The following MEGF10 variants were observed in gnomAD, a reference collection of about 807,000 sequenced individuals.
MEGF10 encodes multiple EGF like domains 10, also known as multiple epidermal growth factor-like domains protein 10.
In MEGF10, 86 loss-of-function variants were observed where a neutral mutation model predicts 147.5. The ratio of observed to expected loss-of-function variants is 0.58; its 90% CI spans 0.49 to 0.70. The LOEUF is 0.70. Ranked by LOEUF, MEGF10 falls within the 30% of genes least tolerant of loss-of-function variation. MEGF10 has a pLI of 0.00. For synonymous variants in MEGF10, 478 were observed against 525.5 expected, an observed-to-expected ratio of 0.91 and a Z score of 1.24; for missense variants, 1,329 against 1,487.3, an observed-to-expected ratio of 0.89 and a Z score of 1.75.
intron 1 of MEGF10, among the ~76,000 whole-genome samples, chr5:127,328,201 T>C (rs1208855689): frequency 6.6e-6 from 1 of 152,216 alleles, no homozygotes; most frequent in East Asian, 1.9e-4. Context: ...TGTTATTTTC[T>C]CAAACAGTTT....
the MEGF10 span, among the ~76,000 whole-genome samples, chr5:127,247,482 G>GAAGA: frequency 2.7e-5 from 4 of 148,924 alleles, no homozygotes; most frequent in East Asian, 2.0e-4. Flanking sequence ...AGAAGAAGAA[G>GAAGA]AAGAAAAATT....
At chr5:127,326,809 A>G (rs1489762663) in intron 1 of MEGF10, among the ~76,000 whole-genome samples, 1 of 152,208 alleles carries the variant, frequency 6.6e-6, no homozygotes, top group Non-Finnish European at 1.5e-5. Flanking sequence ...TGAGTAGCAG[A>G]AAATGAGCTT....
chr5:127,315,819 A>G (rs1201803996), intron 1 of MEGF10, among the ~76,000 whole-genome samples: 2 of 152,118 alleles, frequency 1.3e-5, no homozygotes, highest in Non-Finnish European at 2.9e-5. Flanking sequence ...TTCTGTCTAT[A>G]TTTCAAGCAT....
In MEGF10 at chr5:127,438,552, C is replaced by A; in HGVS notation, c.2218C>A (p.Leu740Ile). 1 of 1,613,998 alleles carries A rather than the reference C, an allele frequency of 6.2e-7. No homozygotes were observed. Among genetic ancestry groups the A allele is most frequent in the Non-Finnish European group, 8.5e-7 (1 of 1,179,908 alleles). ...ECKCTPGWTG[L>I]YCTQRCPLGF... ...TAAATGCACTCCTGGCTGGACAGGG[C>A]TCTACTGCACTCAGAGTAAGTGACA... The change falls in exon 17 of 25, where the codon CTC becomes ATC. Residue 740 changes from leucine to isoleucine, a missense_variant. Coordinates refer to ENST00000503335, the MANE Select transcript of MEGF10 (RefSeq NM_001256545.2).
At chr5:127,389,455 A>G (rs1325956927) in intron 5 of MEGF10, among the ~76,000 whole-genome samples, 4 of 152,230 alleles carry the variant, frequency 2.6e-5, no homozygotes, top group African/African-American at 9.6e-5. Flanking sequence ...GTTCCAACAT[A>G]AAGATACATG....
At chr5:127,288,228 C>A (rs1759092082), upstream of MEGF10, among the ~76,000 whole-genome samples, 1 of 152,022 alleles carries the variant, frequency 6.6e-6, no homozygotes, top group Admixed American at 6.5e-5. Flanking sequence ...AACACACACA[C>A]ACAAAAACAC....
At chr5:127,438,665 C>T in intron 17 of MEGF10, 98 bp downstream of exon 17, 1 of 1,384,310 alleles carries the variant, frequency 7.2e-7, no homozygotes, top group Non-Finnish European at 9.9e-7. Context: ...AACAAAGGTC[C>T]CTGAGGTTGG....
intron 4 of MEGF10, among the ~76,000 whole-genome samples, chr5:127,352,941 C>A (rs1762138051): frequency 6.6e-6 from 1 of 152,190 alleles, no homozygotes. Context: ...GGCCCAGGCC[C>A]TTCCTAGCTC....
chr5:127,239,376 G>GACAC, the MEGF10 span, among the ~76,000 whole-genome samples: 4,504 of 123,436 alleles, frequency 0.036, 88 homozygotes, highest in African/African-American at 0.04. Context: ...GATGATGGAA[G>GACAC]ACACACACAC....
chr5:127,237,735 T>C, the MEGF10 span, among the ~76,000 whole-genome samples: 4 of 152,058 alleles, frequency 2.6e-5, no homozygotes, highest in Admixed American at 2.0e-4. Context: ...TTTTAAGTCC[T>C]GGGCAGGGTG....
intron 4 of MEGF10, among the ~76,000 whole-genome samples, chr5:127,361,588 GT>G (rs971754008): frequency 2.0e-5 from 3 of 151,488 alleles, no homozygotes; most frequent in African/African-American, 7.3e-5. Context: ...TTTGATCTTT[GT>G]TTTCTAGTTT....
chr5:127,362,333 T>TG (rs1295089323), intron 4 of MEGF10, among the ~76,000 whole-genome samples: 1 of 148,490 alleles, frequency 6.7e-6, no homozygotes, highest in Non-Finnish European at 1.5e-5. Flanking sequence ...TTAGTATGGT[T>TG]TTTTTTTTTT....
intron 12 of MEGF10, among the ~76,000 whole-genome samples, chr5:127,421,654 T>C (rs1047677473): frequency 3.9e-5 from 6 of 152,130 alleles, no homozygotes; most frequent in Non-Finnish European, 8.8e-5. Context: ...GTGTGTCAAC[T>C]CATACTTAGG....
the MEGF10 span, among the ~76,000 whole-genome samples, chr5:127,275,459 G>A: frequency 6.6e-6 from 1 of 152,174 alleles, no homozygotes; most frequent in Non-Finnish European, 1.5e-5. Context: ...CCCCAAGATG[G>A]GTGGAATGGC....
intron 4 of MEGF10, among the ~76,000 whole-genome samples, chr5:127,351,238 G>A (rs568055728): frequency 1.5e-4 from 23 of 152,158 alleles, no homozygotes; most frequent in African/African-American, 5.5e-4. Context: ...CTGGAAAACA[G>A]ATGAGCAAAA....
At chr5:127,404,767 G>A (rs1295426897) in intron 8 of MEGF10, among the ~76,000 whole-genome samples, 1 of 152,012 alleles carries the variant, frequency 6.6e-6, no homozygotes, top group African/African-American at 2.4e-5. Flanking sequence ...CCAGGCTGGA[G>A]TGCAGTGGCA....
At chr5:127,350,440 CCTT>C (rs1762045537) in intron 4 of MEGF10, among the ~76,000 whole-genome samples, 1 of 152,070 alleles carries the variant, frequency 6.6e-6, no homozygotes, top group Non-Finnish European at 1.5e-5. Flanking sequence ...TTCACTTTCT[CCTT>C]CTTTTCTCCC....
chr5:127,400,979 C>CGAAG (rs1302831514), intron 7 of MEGF10, among the ~76,000 whole-genome samples: 7 of 152,210 alleles, frequency 4.6e-5, no homozygotes, highest in Admixed American at 2.0e-4. Flanking sequence ...TATAGACACA[C>CGAAG]ATACCTTCAT....
At position 127,406,176 on chromosome 5, in the gene MEGF10, A is replaced by T. The variant is rs1322244441; in HGVS notation, c.917+3494A>T. On this transcript the variant is annotated intron_variant, in intron 8 of 24. Coordinates refer to ENST00000503335, the MANE Select transcript of MEGF10 (RefSeq NM_001256545.2). ...ATTTCAAATTAGAGGTAGCACAAGA[A>T]CAATAAACATACAAGGCAAATGAGC... 2.6e-5 allele frequency among the ~76,000 whole-genome samples: 4 copies of T among 152,220 alleles called. No individual in the cohort carries two copies. The South Asian group carries it at 6.2e-4, about 24-fold the overall frequency.
Sources: allele counts gnomAD v4.1 joint callset (sites outside exome capture counted in the v4.1 genomes callset), GRCh38; gene constraint gnomAD v4.1.1; transcripts MANE v1.5; gene names NCBI Gene and HGNC (gene_info 2026-07-23, HGNC 2026-07-21).